The following KCNH5 variants were observed in gnomAD, a reference collection of about 807,000 sequenced individuals.
The protein encoded by KCNH5 is potassium voltage-gated channel subfamily H member 5, also known as voltage-gated delayed rectifier potassium channel KCNH5.
KCNH5 carries 46 observed loss-of-function variants against 96.1 expected under a neutral mutation model. The observed-to-expected ratio is 0.48, with a 90% CI of 0.38 to 0.61. The LOEUF is 0.61. Among genes scored for constraint, KCNH5 ranks in the 20% least tolerant of loss-of-function variants. The pLI is 0.00. For missense variants in KCNH5, 907 were observed against 1,225.8 expected (o/e 0.74, Z 3.88); for synonymous variants, 439 against 449.8 (o/e 0.98, Z 0.30).
intron 6 of KCNH5, among the ~76,000 whole-genome samples, chr14:62,952,989 GAT>G (rs1424718093): frequency 6.6e-6 from 1 of 151,700 alleles, no homozygotes; most frequent in South Asian, 2.1e-4. Flanking sequence ...AGACATACTT[GAT>G]ATATAAAGTA....
intron 10 of KCNH5, among the ~76,000 whole-genome samples, chr14:62,768,233 A>T (rs994940523): frequency 1.3e-5 from 2 of 152,220 alleles, no homozygotes; most frequent in African/African-American, 2.4e-5. Flanking sequence ...ATTAAAAACA[A>T]AGAAAAAGTA....
chr14:62,900,311 G>A (rs989417280), intron 7 of KCNH5, among the ~76,000 whole-genome samples: 2 of 152,222 alleles, frequency 1.3e-5, no homozygotes, highest in South Asian at 4.1e-4. Flanking sequence ...ATTCAGAAGA[G>A]TTGGAATTTG....
intron 10 of KCNH5, among the ~76,000 whole-genome samples, chr14:62,767,146 T>C (rs1217490276): frequency 1.3e-5 from 2 of 152,144 alleles, no homozygotes; most frequent in African/African-American, 4.8e-5. Context: ...CCAGTTGGAA[T>C]GGCTATTCTT....
chr14:62,877,342 A>G (rs1394214879), intron 7 of KCNH5, among the ~76,000 whole-genome samples: 1 of 151,826 alleles, frequency 6.6e-6, no homozygotes, highest in Non-Finnish European at 1.5e-5. Flanking sequence ...AAATTGACAA[A>G]TGGGATCTAA....
intron 10 of KCNH5, among the ~76,000 whole-genome samples, chr14:62,742,184 G>T (rs1423386268): frequency 6.6e-6 from 1 of 151,990 alleles, no homozygotes; most frequent in African/African-American, 2.4e-5. Context: ...AGTGCTCTAT[G>T]CAGCATATGG....
chr14:62,917,354 G>GTTTTTTTTTT (rs200737675), intron 7 of KCNH5, among the ~76,000 whole-genome samples: 1 of 134,730 alleles, frequency 7.4e-6, no homozygotes. Context: ...GGTTTGTTAG[G>GTTTTTTTTTT]TTTTTTTTTT....
intron 8 of KCNH5, among the ~76,000 whole-genome samples, chr14:62,818,126 A>G (rs1361476649): frequency 1.4e-5 from 2 of 144,290 alleles, no homozygotes; most frequent in South Asian, 2.5e-4. Flanking sequence ...GGGGTGGAAG[A>G]AATGGGGAGA....
chr14:62,708,104 C>G lies in KCNH5; in HGVS notation c.2371G>C (p.Asp791His), dbSNP rs1259994686. The G allele has an allele frequency of 1.9e-6, 3 of 1,614,052 alleles. No individual in the cohort carries two copies. The highest frequency in any genetic ancestry group is 2.7e-5 in the African/African-American group (2 of 74,924). ...AMELKPNGGA[D>H]QKCLKVNSPI... ...CTGTTGACTTTGAGACATTTTTGGT[C>G]AGCACCGCCGTTGGGCTTGAGTTCC... Residue 791 changes from aspartate (D) to histidine (H), a missense_variant, in exon 11 of 11, where the codon GAC (aspartate) becomes CAC (histidine). Transcript: ENST00000322893.
At chr14:63,032,391 T>G (rs1209414028) in intron 1 of KCNH5, among the ~76,000 whole-genome samples, 1 of 152,136 alleles carries the variant, frequency 6.6e-6, no homozygotes. Flanking sequence ...GTGCAGGCAG[T>G]CGCAGCTTCA....
At chr14:62,799,811 TTAATA>T (rs1245510454) in intron 9 of KCNH5, among the ~76,000 whole-genome samples, 1 of 137,138 alleles carries the variant, frequency 7.3e-6, no homozygotes, top group Non-Finnish European at 1.6e-5. Flanking sequence ...TATTTAATAT[TTAATA>T]TATAATTAAA....
intron 1 of KCNH5, among the ~76,000 whole-genome samples, chr14:63,030,262 T>G (rs1891600424): frequency 6.6e-6 from 1 of 152,204 alleles, no homozygotes; most frequent in Admixed American, 6.5e-5. Context: ...AATATGGTCC[T>G]GAATGAGGTG....
At chr14:62,836,777 T>A (rs1887473977) in intron 8 of KCNH5, among the ~76,000 whole-genome samples, 1 of 152,136 alleles carries the variant, frequency 6.6e-6, no homozygotes, top group Non-Finnish European at 1.5e-5. Flanking sequence ...TACTAGATTG[T>A]AAGTTTCATG....
intron 8 of KCNH5, among the ~76,000 whole-genome samples, chr14:62,830,403 C>T (rs1887318932): frequency 6.6e-6 from 1 of 152,118 alleles, no homozygotes; most frequent in Admixed American, 6.5e-5. Flanking sequence ...AGAGAGCTAC[C>T]TAAGACTGGA....
chr14:62,748,731 C>T (rs1042303816), intron 10 of KCNH5, among the ~76,000 whole-genome samples: 4 of 151,924 alleles, frequency 2.6e-5, no homozygotes, highest in African/African-American at 7.3e-5. Flanking sequence ...TGGCGAAGGT[C>T]GTTCATAACT....
chr14:62,859,689 A>C (rs781507623), intron 7 of KCNH5, among the ~76,000 whole-genome samples: 2 of 152,228 alleles, frequency 1.3e-5, no homozygotes, highest in Non-Finnish European at 2.9e-5. Flanking sequence ...TGCAAAGTGC[A>C]TAACCAGGTG....
rs561005019 is a variant in KCNH5 at position 63,016,893 on chromosome 14, G to A, written c.135C>T (p.Asp45=). Reference sequence around the variant, plus strand: ...GATATCCAGAGAGTTTACAAAAACCGTCATTACTATAAACTACAGGCCAAT... The same window carrying A: ...GATATCCAGAGAGTTTACAAAAACCATCATTACTATAAACTACAGGCCAAT... ...IVDWPVVYSN[D]GFCKLSGYHR... is the part of the protein sequence containing the mutation. The change falls in exon 2 of 11, where the codon GAC becomes GAT. Residue 45 remains aspartate, a synonymous_variant. Coordinates refer to ENST00000322893, the MANE Select transcript of KCNH5 (RefSeq NM_139318.5). The A allele has an allele frequency of 2.2e-5, 35 of 1,610,446 alleles. No homozygotes were observed. Among genetic ancestry groups the A allele is most frequent in the Middle Eastern group, 1.7e-4 (1 of 6,044 alleles).
intron 10 of KCNH5, among the ~76,000 whole-genome samples, chr14:62,748,583 C>CT (rs1885428108): frequency 6.6e-6 from 1 of 152,016 alleles, no homozygotes; most frequent in African/African-American, 2.4e-5. Context: ...ACAAGAGGAC[C>CT]TTAATCCTAA....
At chr14:62,794,262 TA>T (rs1403995118) in intron 9 of KCNH5, among the ~76,000 whole-genome samples, 1 of 152,038 alleles carries the variant, frequency 6.6e-6, no homozygotes, top group Admixed American at 6.6e-5. Context: ...AAATCTTTTT[TA>T]AAAAATAAAA....
At chr14:62,818,418 G>T (rs951815659) in intron 8 of KCNH5, among the ~76,000 whole-genome samples, 4 of 151,904 alleles carry the variant, frequency 2.6e-5, no homozygotes, top group African/African-American at 7.3e-5. Flanking sequence ...AATTTCGAAA[G>T]GTTCTAAAAC....
Sources: gnomAD v4.1 joint callset for allele counts (sites outside exome capture counted in the v4.1 genomes callset) on GRCh38, gnomAD v4.1.1 for gene constraint, MANE v1.5 for transcripts, NCBI Gene and HGNC (gene_info 2026-07-23, HGNC 2026-07-21) for gene names.